EDARADD: variants seen among roughly 807,000 people sequenced by gnomAD.
EDARADD encodes ectodysplasin-A receptor-associated adapter protein.
EDARADD carries 20 observed loss-of-function variants against 25.6 expected under a neutral mutation model. The observed-to-expected ratio is 0.78, with a 90% CI of 0.55 to 1.14. The LOEUF (loss-of-function observed/expected upper bound fraction) is 1.14, where lower values mean the gene tolerates loss of function less well. EDARADD is among the 50% of genes most tolerant of loss of function. EDARADD has a pLI of 0.00. For missense variants in EDARADD, 225 were observed against 270.1 expected (o/e 0.83, Z 1.17); for synonymous variants, 86 against 94.4 (o/e 0.91, Z 0.52).
At chr1:236,467,424 G>GCACACACACACACA (rs369424991) in intron 4 of EDARADD, among the ~76,000 whole-genome samples, 3 of 120,896 alleles carry the variant, frequency 2.5e-5, no homozygotes, top group African/African-American at 7.0e-5. Flanking sequence ...GCACACACAC[G>GCACACACACACACA]CGCACACACA....
chr1:236,396,294 A>G (rs1667514514), intron 1 of EDARADD, among the ~76,000 whole-genome samples: 1 of 152,022 alleles, frequency 6.6e-6, no homozygotes, highest in African/African-American at 2.4e-5. Context: ...CTATTCTCTC[A>G]CGTGAATCTA....
At chr1:236,466,114 C>T (rs955916110) in intron 4 of EDARADD, among the ~76,000 whole-genome samples, 2 of 152,184 alleles carry the variant, frequency 1.3e-5, no homozygotes, top group Admixed American at 6.5e-5. Flanking sequence ...TTGTATCTCT[C>T]GACAGTACCT....
In EDARADD at chr1:236,395,575, G is replaced by T; in HGVS notation, c.61+1070G>T. On this transcript the variant is annotated intron_variant, in intron 1 of 5. Coordinates refer to ENST00000334232, the MANE Select transcript of EDARADD (RefSeq NM_145861.4). The surrounding 1 kb of genome is among the most constrained non-coding windows in gnomAD (Gnocchi z 6.9). ...CCCCGTGGTCCCACGGTCCTCCCGC[G>T]CCCCGGAGGCCTGCCAGCCCCGCTC... The T allele has an allele frequency of 6.5e-7, 1 of 1,544,580 alleles. No individual in the cohort carries two copies. Among genetic ancestry groups the T allele is most frequent in the Non-Finnish European group, 8.7e-7 (1 of 1,147,406 alleles).
chr1:236,366,831 C>T (rs577336198), intron 3 of EDARADD, among the ~76,000 whole-genome samples: 1 of 151,768 alleles, frequency 6.6e-6, no homozygotes, highest in South Asian at 2.1e-4. Context: ...AAATCCAGCA[C>T]TTTGGGAGCC....
At chr1:236,371,755 A>G (rs2102993687) in intron 3 of EDARADD, among the ~76,000 whole-genome samples, 1 of 151,918 alleles carries the variant, frequency 6.6e-6, no homozygotes, top group East Asian at 1.9e-4. Context: ...TATTTTTAAT[A>G]GAGACGGGGT....
intron 4 of EDARADD, among the ~76,000 whole-genome samples, chr1:236,457,274 G>A (rs2103030138): frequency 6.6e-6 from 1 of 152,296 alleles, no homozygotes; most frequent in South Asian, 2.1e-4. Flanking sequence ...CCAGCACTTT[G>A]GGAGGCTGGG....
intron 3 of EDARADD, among the ~76,000 whole-genome samples, chr1:236,363,004 A>ATATATAT (rs1309610398): frequency 7.4e-4 from 43 of 58,382 alleles, no homozygotes; most frequent in East Asian, 3.4e-3. Context: ...AAAAAAAAAA[A>ATATATAT]AAATATATAT....
chr1:236,427,330 G>C lies in EDARADD; in HGVS notation c.161-62G>C. On this transcript the variant is annotated intron_variant, in intron 3 of 5. Transcript: ENST00000334232. ...ACCTTAATTTTAGGTCTTACACCAC[G>C]GAGTGTGTGCTTTTTAAAATCACAC... The C allele has an allele frequency of 4.6e-6, 7 of 1,535,464 alleles. No individual in the cohort carries two copies. The Admixed American group carries it at 1.1e-4, about 23-fold the overall frequency.
At chr1:236,449,830 G>A (rs1658660482) in intron 4 of EDARADD, among the ~76,000 whole-genome samples, 1 of 152,216 alleles carries the variant, frequency 6.6e-6, no homozygotes, top group African/African-American at 2.4e-5. Context: ...GCTGGGCGCG[G>A]TGGCTCACGC....
intron 4 of EDARADD, among the ~76,000 whole-genome samples, chr1:236,430,572 T>C (rs1338209261): frequency 6.6e-6 from 1 of 152,128 alleles, no homozygotes; most frequent in Non-Finnish European, 1.5e-5. Context: ...ATAGGGGAAA[T>C]ACCTCTTTGA....
chr1:236,455,908 G>T (rs974264194), intron 4 of EDARADD, among the ~76,000 whole-genome samples: 3 of 151,784 alleles, frequency 2.0e-5, no homozygotes, highest in African/African-American at 7.3e-5. Context: ...TCCTGCCTCA[G>T]CCTCCTGAAT....
chr1:236,468,348 G>T (rs1346830798), intron 5 of EDARADD, 72 bp downstream of exon 5: 14 of 1,510,442 alleles, frequency 9.3e-6, no homozygotes, highest in Non-Finnish European at 1.3e-5. Context: ...TTGAGGCCAG[G>T]GTCGGTGACT....
intron 5 of EDARADD, among the ~76,000 whole-genome samples, chr1:236,479,568 T>C (rs1036004387): frequency 1.3e-5 from 2 of 152,034 alleles, no homozygotes; most frequent in African/African-American, 4.8e-5. Flanking sequence ...CACTTAAGCT[T>C]CATTGGAGTC....
At chr1:236,376,482 G>A (rs895702199) in intron 3 of EDARADD, among the ~76,000 whole-genome samples, 5 of 152,106 alleles carry the variant, frequency 3.3e-5, no homozygotes, top group Non-Finnish European at 1.5e-5. Flanking sequence ...ACTTTAAAAA[G>A]TTTCACTTCA....
At chr1:236,419,256 TA>T (rs1334983291) in intron 3 of EDARADD, among the ~76,000 whole-genome samples, 2 of 152,092 alleles carry the variant, frequency 1.3e-5, no homozygotes, top group Non-Finnish European at 2.9e-5. Flanking sequence ...TAGCTGAGTG[TA>T]GTGGTGCACA....
At chr1:236,352,278 A>G (rs1666923605) in intron 3 of EDARADD, among the ~76,000 whole-genome samples, 1 of 152,106 alleles carries the variant, frequency 6.6e-6, no homozygotes, top group Non-Finnish European at 1.5e-5. Flanking sequence ...GTCTCTCCTG[A>G]TTTCTTGGAA....
At chr1:236,482,143 GCAT>G in intron 5 of EDARADD, 121 bp from the exon 6 acceptor site, 3 of 1,105,400 alleles carry the variant, frequency 2.7e-6, no homozygotes, top group Non-Finnish European at 4.0e-6. Context: ...AAAGAAACGA[GCAT>G]TCTGAAATAG....
chr1:236,356,732 C>A (rs1286921090), intron 3 of EDARADD, among the ~76,000 whole-genome samples: 4 of 147,910 alleles, frequency 2.7e-5, no homozygotes, highest in Non-Finnish European at 5.9e-5. Flanking sequence ...CGTGTACTTA[C>A]AGCCCCTTTA....
intron 4 of EDARADD, among the ~76,000 whole-genome samples, chr1:236,431,971 T>C (rs992217129): frequency 2.0e-5 from 3 of 149,564 alleles, no homozygotes; most frequent in African/African-American, 7.5e-5. Flanking sequence ...GCAGACCTTA[T>C]AGACTTGTTG....
Sources: allele counts gnomAD v4.1 joint callset (sites outside exome capture counted in the v4.1 genomes callset), GRCh38; gene constraint gnomAD v4.1.1; non-coding constraint Gnocchi (gnomAD v3.1); transcripts MANE v1.5; gene names NCBI Gene and HGNC (gene_info 2026-07-23, HGNC 2026-07-21).